Variants in DMXL2 observed in about 807,000 individuals in gnomAD.
DMXL2 encodes Dmx like 2, also known as dmX-like protein 2.
A neutral mutation model predicts 331.1 loss-of-function variants in DMXL2; 103 were observed. The observed-to-expected ratio is 0.31, with a 90% CI of 0.27 to 0.37. The LOEUF (loss-of-function observed/expected upper bound fraction) is 0.37, where lower values mean the gene tolerates loss of function less well. Ranked by LOEUF, DMXL2 falls within the 10% of genes least tolerant of loss-of-function variation. The pLI is 1.00. For synonymous variants in DMXL2, 1,281 were observed against 1,252.1 expected, an observed-to-expected ratio of 1.02 and a Z score of -0.49; for missense variants, 3,171 against 3,642.9, an observed-to-expected ratio of 0.87 and a Z score of 3.33.
At chr15:51,473,273 C>G (rs1263531312) in intron 28 of DMXL2, among the ~76,000 whole-genome samples, 1 of 152,160 alleles carries the variant, frequency 6.6e-6, no homozygotes, top group African/African-American at 2.4e-5. Flanking sequence ...CCTGAAATAT[C>G]TTTGTTAATT....
chr15:51,575,703 G>A (rs910674543), intron 2 of DMXL2, among the ~76,000 whole-genome samples: 1 of 152,068 alleles, frequency 6.6e-6, no homozygotes, highest in African/African-American at 2.4e-5. Context: ...AAACTTTGAT[G>A]TTATAGTATG....
intron 1 of DMXL2, among the ~76,000 whole-genome samples, chr15:51,604,630 T>C (rs574015637): frequency 2.6e-5 from 4 of 152,354 alleles, no homozygotes; most frequent in South Asian, 4.1e-4. Context: ...CATATGTTCA[T>C]AATTGGAAGA....
chr15:51,480,237 A>G, intron 24 of DMXL2, 98 bp from the exon 25 acceptor site: 1 of 1,215,040 alleles, frequency 8.2e-7, no homozygotes, highest in Non-Finnish European at 1.1e-6. Context: ...TAAAGGGAAT[A>G]TGTTCGCTCA....
chr15:51,509,650 C>A (rs2046631820), intron 15 of DMXL2, among the ~76,000 whole-genome samples: 4 of 152,222 alleles, frequency 2.6e-5, no homozygotes, highest in Admixed American at 6.5e-5. Context: ...GGTACCATTC[C>A]TTCTGAAACT....
intron 40 of DMXL2, among the ~76,000 whole-genome samples, chr15:51,454,617 C>T (rs2039455387): frequency 6.6e-6 from 1 of 152,252 alleles, no homozygotes; most frequent in Non-Finnish European, 1.5e-5. Flanking sequence ...CTGCCTCAGC[C>T]TCCCGAGTAG....
At chr15:51,500,751 C>G (rs995895762) in intron 17 of DMXL2, among the ~76,000 whole-genome samples, 1 of 152,136 alleles carries the variant, frequency 6.6e-6, no homozygotes, top group Non-Finnish European at 1.5e-5. Context: ...TAGATCTTAC[C>G]CATTTTACCA....
Position 51,486,222 on chromosome 15 carries a change from C to G in DMXL2, c.5333G>C (p.Gly1778Ala), listed in dbSNP as rs186940430. 1.0e-4 allele frequency: 163 copies of G among 1,613,926 alleles called. No individual in the cohort carries two copies. Among genetic ancestry groups the G allele is most frequent in the Non-Finnish European group, 1.3e-4 (158 of 1,179,918 alleles). The change falls in exon 23 of 44, where the codon GGT becomes GCT. Residue 1778 changes from glycine (G) to alanine (A), a missense_variant. By Grantham distance (60) the Gly-to-Ala change is moderately conservative (BLOSUM62 0). Coordinates refer to ENST00000560891, the MANE Select transcript of DMXL2 (RefSeq NM_001378457.1). ...GAATCCTGAGCCATCCTTTTGGCAA[C>G]CCAAAATCTTCTGATTTAGGATGGA... is the stretch of plus-strand genomic sequence containing the variant. ...YISILNQKIL[G>A]CQKDGSGFSC...
intron 24 of DMXL2, 113 bp downstream of exon 24, chr15:51,480,429 G>T: frequency 7.8e-7 from 1 of 1,285,924 alleles, no homozygotes; most frequent in Non-Finnish European, 1.0e-6. Flanking sequence ...GAGAGGAGCT[G>T]AACATATTTA....
chr15:51,618,349 C>T (rs1228377909), intron 1 of DMXL2, among the ~76,000 whole-genome samples: 1 of 151,180 alleles, frequency 6.6e-6, no homozygotes, highest in African/African-American at 2.4e-5. Context: ...AAGCTTAGCA[C>T]ACCTATGTGT....
In DMXL2 at chr15:51,618,891, G is replaced by A. The variant is rs2054459776; in HGVS notation, c.87+3568C>T. ...CCAGTATATTATAAATTCCCTAAGA[G>A]TGCAAATGACTTACTAATTTTTGTA... On this transcript the variant is annotated intron_variant, in intron 1 of 43. Coordinates refer to ENST00000560891, the MANE Select transcript of DMXL2 (RefSeq NM_001378457.1). Among the ~76,000 whole-genome samples the A allele has an allele frequency of 2.0e-5, 3 of 152,072 alleles. No homozygotes were observed. The South Asian group carries it at 6.2e-4, about 32-fold the overall frequency.
intron 1 of DMXL2, among the ~76,000 whole-genome samples, chr15:51,604,426 T>C (rs2053444092): frequency 6.7e-6 from 1 of 149,032 alleles, no homozygotes. Flanking sequence ...AGCCTAGTGC[T>C]AATAAGGTCA....
At chr15:51,573,711 G>T (rs2050824378) in intron 2 of DMXL2, among the ~76,000 whole-genome samples, 1 of 151,998 alleles carries the variant, frequency 6.6e-6, no homozygotes, top group African/African-American at 2.4e-5. Flanking sequence ...GGGGCTAGGG[G>T]AGGGATAGCA....
At chr15:51,483,985 G>A (rs559263823) in intron 23 of DMXL2, among the ~76,000 whole-genome samples, 1 of 151,726 alleles carries the variant, frequency 6.6e-6, no homozygotes, top group East Asian at 1.9e-4. Flanking sequence ...CAGGCCTGAG[G>A]AGCAGCCTCA....
intron 1 of DMXL2, among the ~76,000 whole-genome samples, chr15:51,600,661 A>G (rs927391516): frequency 5.3e-5 from 8 of 152,172 alleles, no homozygotes; most frequent in African/African-American, 1.9e-4. Flanking sequence ...AACACACCTG[A>G]ACCTAATTCT....
chr15:51,546,929 A>C (rs1409294892), intron 7 of DMXL2, among the ~76,000 whole-genome samples: 3 of 152,134 alleles, frequency 2.0e-5, no homozygotes, highest in African/African-American at 7.2e-5. Flanking sequence ...GGCTGGACAC[A>C]AAGTATGTGC....
intron 15 of DMXL2, 51 bp from the exon 16 acceptor site, chr15:51,507,304 A>G (rs377042363): frequency 2.9e-4 from 444 of 1,522,078 alleles, no homozygotes; most frequent in Non-Finnish European, 3.5e-4. Context: ...TTATGGGGTT[A>G]AAAAAACACT....
intron 1 of DMXL2, among the ~76,000 whole-genome samples, chr15:51,614,698 A>G (rs1331998640): frequency 6.6e-6 from 1 of 152,184 alleles, no homozygotes; most frequent in Non-Finnish European, 1.5e-5. Context: ...TTACTAATTT[A>G]TTGAGTACTT....
At chr15:51,618,603 G>A (rs1055846713) in intron 1 of DMXL2, among the ~76,000 whole-genome samples, 1 of 152,004 alleles carries the variant, frequency 6.6e-6, no homozygotes, top group Non-Finnish European at 1.5e-5. Context: ...TTCCTGAAAA[G>A]CTACAGGTAA....
At chr15:51,508,964 A>C (rs1350809507) in intron 15 of DMXL2, among the ~76,000 whole-genome samples, 1 of 152,248 alleles carries the variant, frequency 6.6e-6, no homozygotes, top group African/African-American at 2.4e-5. Context: ...GACTGCTGTC[A>C]AACTATAATG....
Sources: gnomAD v4.1 joint callset for allele counts (sites outside exome capture counted in the v4.1 genomes callset) on GRCh38, gnomAD v4.1.1 for gene constraint, MANE v1.5 for transcripts, NCBI Gene and HGNC (gene_info 2026-07-23, HGNC 2026-07-21) for gene names.